Variants in MYO9B observed in about 807,000 individuals in gnomAD.
The protein encoded by MYO9B is myosin IXB, also known as unconventional myosin-IXb.
In MYO9B, 71 loss-of-function variants were observed where a neutral mutation model predicts 229.5. The ratio of observed to expected loss-of-function variants is 0.31; its 90% confidence interval spans 0.26 to 0.38. The LOEUF (loss-of-function observed/expected upper bound fraction) is 0.38, where lower values mean the gene tolerates loss of function less well. MYO9B is among the 10% of genes least tolerant of loss of function. The pLI is 1.00. For missense variants in MYO9B, 2,255 were observed against 2,920.5 expected (o/e 0.77, Z 5.25); for synonymous variants, 1,185 against 1,235.8 (o/e 0.96, Z 0.86).
At chr19:17,131,811 T>C (rs1428999316) in intron 2 of MYO9B, among the ~76,000 whole-genome samples, 2 of 152,076 alleles carry the variant, frequency 1.3e-5, no homozygotes, top group East Asian at 3.8e-4. Flanking sequence ...AGCTGAATTA[T>C]GACCAATAGC....
At chr19:17,115,190 A>C (rs559343136) in intron 2 of MYO9B, among the ~76,000 whole-genome samples, 53 of 152,032 alleles carry the variant, frequency 3.5e-4, no homozygotes, top group Non-Finnish European at 2.4e-4. Flanking sequence ...GGGGTTGGCA[A>C]ACTACAGCCC....
intron 13 of MYO9B, 92 bp from the exon 14 acceptor site, chr19:17,175,571 T>G: frequency 2.0e-6 from 2 of 1,003,184 alleles, no homozygotes; most frequent in Middle Eastern, 3.4e-4. Flanking sequence ...AGAGCAAGAC[T>G]CCATCTCAAA....
At chr19:17,160,510 CT>C (rs34857957) in intron 8 of MYO9B, among the ~76,000 whole-genome samples, 19,530 of 127,820 alleles carry the variant, frequency 0.15, 1,181 homozygotes, top group Middle Eastern at 0.21. Flanking sequence ...TCTTTTTTTT[CT>C]TTTTTTTTTT....
intron 1 of MYO9B, among the ~76,000 whole-genome samples, chr19:17,084,592 A>G (rs2057564526): frequency 6.6e-6 from 1 of 150,890 alleles, no homozygotes; most frequent in Admixed American, 6.6e-5. Context: ...GGCCAGGCGC[A>G]GTGGCTCACA....
chr19:17,205,370 A>G, intron 31 of MYO9B, 34 bp downstream of exon 31: 1 of 1,593,556 alleles, frequency 6.3e-7, no homozygotes, highest in Non-Finnish European at 8.6e-7. Context: ...TTCTACAATG[A>G]CACTCCACTC....
At chr19:17,208,674 G>A (rs915724544) in intron 35 of MYO9B, among the ~76,000 whole-genome samples, 1 of 152,038 alleles carries the variant, frequency 6.6e-6, no homozygotes, top group African/African-American at 2.4e-5. Flanking sequence ...CTTGTGATCC[G>A]CCGTGAGCCA....
chr19:17,187,742 G>A (rs7249803), intron 18 of MYO9B, among the ~76,000 whole-genome samples, 193 bp from the exon 19 acceptor site: 80,751 of 151,628 alleles, frequency 0.53, 23,332 homozygotes, highest in East Asian at 0.74. Context: ...CTGCCGTGCC[G>A]TAGAACACTC....
chr19:17,140,767 C>T (rs1420770398), intron 2 of MYO9B, among the ~76,000 whole-genome samples: 1 of 148,228 alleles, frequency 6.7e-6, no homozygotes, highest in Non-Finnish European at 1.5e-5. Context: ...GGATTACAGG[C>T]GTGAGCCACC....
chr19:17,200,223 C>T, intron 24 of MYO9B, 70 bp from the exon 25 acceptor site: 2 of 1,545,714 alleles, frequency 1.3e-6, no homozygotes, highest in Admixed American at 4.0e-5. Context: ...TGTGTCCAGT[C>T]ACAGGGAGGC....
chr19:17,164,703 A>T (rs923345509), intron 10 of MYO9B, among the ~76,000 whole-genome samples: 1 of 152,124 alleles, frequency 6.6e-6, no homozygotes, highest in African/African-American at 2.4e-5. Flanking sequence ...TTTTGCAGCT[A>T]AATAGTCAAC....
chr19:17,126,667 C>CTTTTT (rs1555695751), intron 2 of MYO9B, among the ~76,000 whole-genome samples: 9 of 135,238 alleles, frequency 6.7e-5, no homozygotes, highest in African/African-American at 2.4e-4. Context: ...TTTTTTTTTT[C>CTTTTT]TTTTTTTTTT....
intron 11 of MYO9B, 131 bp downstream of exon 11, chr19:17,168,195 C>T (rs769095778): frequency 1.6e-5 from 20 of 1,256,130 alleles, no homozygotes; most frequent in East Asian, 2.6e-5. Context: ...GACAGGGTCT[C>T]ACTCTGTCAC....
chr19:17,168,085 C>T (rs2072680056), intron 11 of MYO9B, 21 bp downstream of exon 11: 2 of 1,610,178 alleles, frequency 1.2e-6, no homozygotes, highest in East Asian at 4.5e-5. Flanking sequence ...ACACCCCGTC[C>T]ATCCCGGCAC....
rs1340024451 is a variant in MYO9B, at chr19:17,192,735, G to A, written c.2812-11G>A. The A allele has an allele frequency of 3.3e-6, 5 of 1,516,660 alleles. No homozygotes were observed. Among genetic ancestry groups the A allele is most frequent in the African/African-American group, 2.8e-5 (2 of 72,660 alleles). The allele number at this position is 1,516,660 out of a possible 1,614,324, so 94.0% of individuals were successfully genotyped here. A position where few individuals can be genotyped will look rare whatever the true frequency, so the allele number is the denominator to read the frequency against. ...AGTGCAGCTGACCCCACCTGACCCCGTGCCCACCAGGTCTTCCTGAAGGAG... is the reference window on the plus strand; with the variant it reads ...AGTGCAGCTGACCCCACCTGACCCCATGCCCACCAGGTCTTCCTGAAGGAG... On this transcript the variant is annotated splice_polypyrimidine_tract_variant and intron_variant, in intron 20 of 39. Coordinates refer to ENST00000682292, the MANE Select transcript of MYO9B (RefSeq NM_004145.4).
chr19:17,198,721 G>T (rs1273209795), intron 24 of MYO9B, among the ~76,000 whole-genome samples: 1 of 138,386 alleles, frequency 7.2e-6, no homozygotes, highest in African/African-American at 2.7e-5. Context: ...GGTGACAGAG[G>T]GAGACTCCGT....
chr19:17,093,054 A>G (rs986202845), intron 1 of MYO9B, among the ~76,000 whole-genome samples: 2 of 152,188 alleles, frequency 1.3e-5, no homozygotes, highest in African/African-American at 4.8e-5. Context: ...TATCTTGGCC[A>G]GGCACTGTGG....
rs146497461 is a variant in MYO9B, at chr19:17,197,226, G to A, written c.4047-566G>A. On this transcript the variant is annotated intron_variant, in intron 22 of 39. Coordinates refer to ENST00000682292, the MANE Select transcript of MYO9B (RefSeq NM_004145.4). Reference sequence around the variant, plus strand: ...TGGGAGGCAGAGGTTGCAGTGAGCCGAGATCACACCATTGCACTCCAGCCT... The same window carrying A: ...TGGGAGGCAGAGGTTGCAGTGAGCCAAGATCACACCATTGCACTCCAGCCT... 5.7e-3 allele frequency among the ~76,000 whole-genome samples: 861 copies of A among 150,244 alleles called. 4 individuals carry two copies. Among genetic ancestry groups the A allele is most frequent in the African/African-American group, 0.02 (798 of 40,812 alleles).
Position 17,207,134 on chromosome 19 carries a change from C to G in MYO9B, c.5514C>G (p.Val1838=), listed in dbSNP as rs1324275322. ...GCAGGGTGGCCCTGCTCGAGGATGTCAACCGCATGTCACCTGGGGCGCTGG... is the reference window on the plus strand; with the variant it reads ...GCAGGGTGGCCCTGCTCGAGGATGTGAACCGCATGTCACCTGGGGCGCTGG... ...HLVKVALLED[V]NRMSPGALAI... Residue 1838 remains valine, a synonymous_variant, in exon 35 of 40, where the codon GTC becomes GTG. Coordinates refer to ENST00000682292, the MANE Select transcript of MYO9B (RefSeq NM_004145.4). 6.2e-7 allele frequency: 1 copy of G among 1,610,590 alleles called. No homozygotes were observed. The highest frequency in any genetic ancestry group is 8.5e-7 in the Non-Finnish European group (1 of 1,179,132).
chr19:17,191,245 C>T (rs2072981804), intron 20 of MYO9B, 26 bp downstream of exon 20: 5 of 1,604,952 alleles, frequency 3.1e-6, no homozygotes, highest in Non-Finnish European at 4.3e-6. Flanking sequence ...CCTCGGGGCA[C>T]TACAAACCCA....
Sources: allele counts gnomAD v4.1 joint callset (sites outside exome capture counted in the v4.1 genomes callset), GRCh38; gene constraint gnomAD v4.1.1; transcripts MANE v1.5; gene names NCBI Gene and HGNC (gene_info 2026-07-23, HGNC 2026-07-21).